The following ACAD9 variants were observed in gnomAD, a reference collection of about 807,000 sequenced individuals.
ACAD9 encodes acyl-CoA dehydrogenase family member 9.
Under a neutral mutation model 70.2 loss-of-function variants are expected in ACAD9, and 53 were observed. The ratio of observed to expected loss-of-function variants is 0.75; its 90% CI spans 0.61 to 0.95. ACAD9 has a LOEUF of 0.95. Ranked by LOEUF, ACAD9 falls within the 40% of genes least tolerant of loss-of-function variation. The pLI is 0.00. For missense variants in ACAD9, 777 were observed against 802.8 expected (o/e 0.97, Z 0.39); for synonymous variants, 313 against 312.1 (o/e 1.00, Z -0.03).
At chr3:128,888,214 C>T (rs1056665766) in intron 2 of ACAD9, among the ~76,000 whole-genome samples, 6 of 152,128 alleles carry the variant, frequency 3.9e-5, no homozygotes, top group African/African-American at 1.2e-4. Flanking sequence ...TGAGCCAAAA[C>T]GTTAAATACA....
At chr3:128,891,761 C>A (rs1172408097) in intron 2 of ACAD9, among the ~76,000 whole-genome samples, 1 of 152,210 alleles carries the variant, frequency 6.6e-6, no homozygotes, top group African/African-American at 2.4e-5. Flanking sequence ...TGCTTCCATT[C>A]TTTGTTCCTT....
intron 9 of ACAD9, among the ~76,000 whole-genome samples, chr3:128,903,263 A>G (rs912852052): frequency 6.6e-6 from 1 of 152,238 alleles, no homozygotes; most frequent in African/African-American, 2.4e-5. Flanking sequence ...CTTTGGTGCC[A>G]GGCTCTGGGC....
At chr3:128,912,464 C>T (rs544778604) in intron 17 of ACAD9, 43 bp from the exon 18 acceptor site, 4 of 1,557,248 alleles carry the variant, frequency 2.6e-6, no homozygotes, top group Admixed American at 3.4e-5. Context: ...TGTCTTATCA[C>T]GGTGCAGAAA....
chr3:128,907,994 C>A (rs1935944477), intron 12 of ACAD9, among the ~76,000 whole-genome samples, 191 bp from the exon 13 acceptor site: 1 of 152,204 alleles, frequency 6.6e-6, no homozygotes, highest in African/African-American at 2.4e-5. Context: ...TCATGGCCAT[C>A]TGGTCACCTC....
intron 2 of ACAD9, among the ~76,000 whole-genome samples, chr3:128,890,783 A>G (rs765287265): frequency 7.2e-5 from 11 of 151,928 alleles, no homozygotes; most frequent in Admixed American, 7.2e-4. Flanking sequence ...CAATTTTACA[A>G]TTTTCAATGT....
intron 7 of ACAD9, 143 bp downstream of exon 7, chr3:128,899,604 T>C: frequency 2.0e-6 from 2 of 976,038 alleles, no homozygotes; most frequent in Non-Finnish European, 2.9e-6. Context: ...AATAGCAAGA[T>C]AAAATGAGAT....
intron 6 of ACAD9, among the ~76,000 whole-genome samples, chr3:128,898,120 G>A (rs541300814): frequency 9.9e-5 from 15 of 152,220 alleles, no homozygotes; most frequent in African/African-American, 3.4e-4. Flanking sequence ...GCCTCCCAAA[G>A]TGCTGAGTTT....
chr3:128,887,761 A>G (rs987128718), intron 2 of ACAD9, among the ~76,000 whole-genome samples: 1 of 151,956 alleles, frequency 6.6e-6, no homozygotes, highest in Non-Finnish European at 1.5e-5. Flanking sequence ...AACTATGTTC[A>G]TTCAGCTGCC....
At chr3:128,909,931 C>CT in intron 15 of ACAD9, 90 bp from the exon 16 acceptor site, 2 of 1,565,068 alleles carry the variant, frequency 1.3e-6, no homozygotes, top group Non-Finnish European at 1.7e-6. Context: ...ACACAGGAGA[C>CT]TAAGACAGGC....
At chr3:128,895,186 A>G in intron 3 of ACAD9, 124 bp from the exon 4 acceptor site, 1 of 643,828 alleles carries the variant, frequency 1.6e-6, no homozygotes, top group South Asian at 1.9e-5. Flanking sequence ...CTGTATTGTG[A>G]TTTTTTTTTT....
intron 2 of ACAD9, among the ~76,000 whole-genome samples, chr3:128,892,816 C>T (rs1935460455): frequency 6.6e-6 from 1 of 152,178 alleles, no homozygotes; most frequent in Non-Finnish European, 1.5e-5. Flanking sequence ...TCTAGCTGAA[C>T]ATTTTAGTAC....
chr3:128,911,515 G>A (rs2107669002), intron 17 of ACAD9, among the ~76,000 whole-genome samples: 1 of 152,252 alleles, frequency 6.6e-6, no homozygotes, highest in East Asian at 1.9e-4. Context: ...TTGGCTCACT[G>A]CAACCTCCAC....
At chr3:128,910,441 A>G (rs1576353939) in intron 16 of ACAD9, 2 of 1,129,222 alleles carry the variant, frequency 1.8e-6, no homozygotes, top group South Asian at 1.6e-5. Flanking sequence ...AGGCGGGTGC[A>G]GTCTCTGAGG....
intron 2 of ACAD9, among the ~76,000 whole-genome samples, chr3:128,892,008 CTG>C (rs760206973): frequency 1.3e-5 from 2 of 152,190 alleles, no homozygotes; most frequent in Non-Finnish European, 2.9e-5. Context: ...ACGGGTGAAT[CTG>C]TAAATCATGA....
At chr3:128,884,137 C>G (rs1935176353) in intron 1 of ACAD9, among the ~76,000 whole-genome samples, 3 of 152,204 alleles carry the variant, frequency 2.0e-5, no homozygotes, top group African/African-American at 7.2e-5. Context: ...AGCATAGCAT[C>G]TTTGAGCTCA....
intron 12 of ACAD9, among the ~76,000 whole-genome samples, chr3:128,907,276 C>A (rs1465940149): frequency 1.3e-5 from 2 of 152,138 alleles, no homozygotes; most frequent in African/African-American, 4.8e-5. Flanking sequence ...GGGTTCCAGC[C>A]ATCTCCACTG....
chr3:128,893,210 T>C (rs1039228522), intron 2 of ACAD9, among the ~76,000 whole-genome samples: 4 of 146,130 alleles, frequency 2.7e-5, no homozygotes, highest in Non-Finnish European at 4.5e-5. Context: ...ATTAGCTGGG[T>C]GTGGTGGTAT....
At chr3:128,889,400 T>G (rs554231416) in intron 2 of ACAD9, among the ~76,000 whole-genome samples, 1 of 152,274 alleles carries the variant, frequency 6.6e-6, no homozygotes, top group South Asian at 2.1e-4. Context: ...GTTGTGTAAG[T>G]CCATTCTGAT....
chr3:128,910,899 T>C, intron 17 of ACAD9, 86 bp downstream of exon 17: 1 of 1,483,124 alleles, frequency 6.7e-7, no homozygotes, highest in Admixed American at 1.7e-5. Flanking sequence ...CCTGTCAAGC[T>C]CCCAGAGCCT....
Sources: allele counts gnomAD v4.1 joint callset (sites outside exome capture counted in the v4.1 genomes callset), GRCh38; gene constraint gnomAD v4.1.1; transcripts MANE v1.5; gene names NCBI Gene and HGNC (gene_info 2026-07-23, HGNC 2026-07-21).